The following ATRNL1 variants were observed in gnomAD, a reference collection of about 807,000 sequenced individuals.
ATRNL1 encodes attractin like 1, also known as attractin-like protein 1.
ATRNL1 carries 95 observed loss-of-function variants against 182.7 expected under a neutral mutation model. The ratio of observed to expected loss-of-function variants is 0.52; its 90% CI spans 0.44 to 0.62. The LOEUF is 0.62. Ranked by LOEUF, ATRNL1 falls within the 20% of genes least tolerant of loss-of-function variation. The pLI is 0.00. For missense variants in ATRNL1, 1,471 were observed against 1,679.5 expected, an observed-to-expected ratio of 0.88 and a Z score of 2.17; for synonymous variants, 576 against 568.3, an observed-to-expected ratio of 1.01 and a Z score of -0.19.
chr10:115,609,062 T>G (rs1423800672), intron 26 of ATRNL1, among the ~76,000 whole-genome samples: 1 of 152,060 alleles, frequency 6.6e-6, no homozygotes, highest in Non-Finnish European at 1.5e-5. Flanking sequence ...TAAAATATTA[T>G]AAGTTAAGTT....
At chr10:115,604,125 A>G (rs1449983196) in intron 26 of ATRNL1, among the ~76,000 whole-genome samples, 2 of 152,096 alleles carry the variant, frequency 1.3e-5, no homozygotes, top group African/African-American at 4.8e-5. Context: ...TCTTGGCCTA[A>G]TAAACTTTTA....
intron 27 of ATRNL1, among the ~76,000 whole-genome samples, chr10:115,779,812 T>C (rs1264681797): frequency 6.6e-6 from 1 of 151,996 alleles, no homozygotes; most frequent in Non-Finnish European, 1.5e-5. Flanking sequence ...ACAAAACATA[T>C]AGAAAATGCC....
At chr10:115,829,663 T>TA (rs1463358470) in intron 27 of ATRNL1, among the ~76,000 whole-genome samples, 1 of 152,152 alleles carries the variant, frequency 6.6e-6, no homozygotes, top group Non-Finnish European at 1.5e-5. Flanking sequence ...TTCTCTGTCT[T>TA]ATGCCACCAA....
At chr10:115,886,650 A>G (rs1951952921) in intron 28 of ATRNL1, among the ~76,000 whole-genome samples, 1 of 152,246 alleles carries the variant, frequency 6.6e-6, no homozygotes, top group Non-Finnish European at 1.5e-5. Context: ...ATAGTTGTAT[A>G]AGAACCATAA....
intron 28 of ATRNL1, among the ~76,000 whole-genome samples, chr10:115,859,959 A>C (rs1565442458): frequency 6.6e-6 from 1 of 152,192 alleles, no homozygotes; most frequent in African/African-American, 2.4e-5. Context: ...ATTTCCTTTT[A>C]TCCACTTTAT....
intron 1 of ATRNL1, among the ~76,000 whole-genome samples, chr10:115,095,382 A>G (rs1469595434): frequency 6.6e-6 from 1 of 151,722 alleles, no homozygotes; most frequent in Non-Finnish European, 1.5e-5. Flanking sequence ...TTTTAAAAAA[A>G]AACTTACTAT....
chr10:115,794,835 A>T (rs782779074), intron 27 of ATRNL1, among the ~76,000 whole-genome samples: 2 of 152,174 alleles, frequency 1.3e-5, no homozygotes, highest in Non-Finnish European at 2.9e-5. Flanking sequence ...ACACTATTAA[A>T]CTATGTAAAC....
In ATRNL1 at chr10:115,737,417, C is replaced by A. The variant is rs555709699; in HGVS notation, c.3903+10062C>A. 2.3e-4 allele frequency among the ~76,000 whole-genome samples: 35 copies of A among 150,612 alleles called. 1 individual carries two copies. Among genetic ancestry groups the A allele is most frequent in the Admixed American group, 2.1e-3 (31 of 15,074 alleles). On this transcript the variant is annotated intron_variant, in intron 27 of 28. Transcript: ENST00000355044. Reference sequence around the variant, plus strand: ...TACACTGCACTCCAGCCTGGTTGAACAGAGCAAGACCCTGTCTAAAAAAAA... The same window carrying A: ...TACACTGCACTCCAGCCTGGTTGAAAAGAGCAAGACCCTGTCTAAAAAAAA...
chr10:115,875,571 C>A (rs7072418), intron 28 of ATRNL1, among the ~76,000 whole-genome samples: 1 of 152,188 alleles, frequency 6.6e-6, no homozygotes, highest in Non-Finnish European at 1.5e-5. Context: ...ATTCAAGGAT[C>A]TAAGTAGTCC....
intron 10 of ATRNL1, among the ~76,000 whole-genome samples, chr10:115,253,776 T>C (rs936489196): frequency 6.6e-6 from 1 of 152,132 alleles, no homozygotes; most frequent in African/African-American, 2.4e-5. Flanking sequence ...CTCCTAATGC[T>C]ATCCATCCCC....
intron 8 of ATRNL1, among the ~76,000 whole-genome samples, chr10:115,173,149 A>C (rs375008067): frequency 6.6e-6 from 1 of 152,140 alleles, no homozygotes; most frequent in African/African-American, 2.4e-5. Flanking sequence ...ACATTGAATA[A>C]GCTTGCTTAC....
intron 28 of ATRNL1, among the ~76,000 whole-genome samples, chr10:115,923,346 A>T (rs556402434): frequency 2.6e-5 from 4 of 152,178 alleles, no homozygotes; most frequent in African/African-American, 4.8e-5. Flanking sequence ...TATTACATAG[A>T]TATACCTGTG....
At chr10:115,866,550 TAG>T (rs1951443744) in intron 28 of ATRNL1, among the ~76,000 whole-genome samples, 1 of 152,176 alleles carries the variant, frequency 6.6e-6, no homozygotes, top group Non-Finnish European at 1.5e-5. Context: ...TACCAGTAGT[TAG>T]AGAGTTCATA....
chr10:115,621,313 AGT>A (rs782025858), intron 26 of ATRNL1, among the ~76,000 whole-genome samples: 11,906 of 73,134 alleles, frequency 0.16, 1,088 homozygotes, highest in Non-Finnish European at 0.2. Context: ...AGAGAGAGAG[AGT>A]GTGTGAGTGA....
At chr10:115,445,069 AT>A (rs1554966384) in intron 21 of ATRNL1, among the ~76,000 whole-genome samples, 1 of 151,920 alleles carries the variant, frequency 6.6e-6, no homozygotes, top group Non-Finnish European at 1.5e-5. Flanking sequence ...TGGGGACAGC[AT>A]TGCTGAGTAT....
chr10:115,690,361 G>A (rs1946351120), intron 26 of ATRNL1, among the ~76,000 whole-genome samples: 1 of 152,064 alleles, frequency 6.6e-6, no homozygotes, highest in African/African-American at 2.4e-5. Flanking sequence ...ATTCTCATAA[G>A]GAGCACACAA....
chr10:115,401,045 A>G (rs1844540628), intron 20 of ATRNL1, among the ~76,000 whole-genome samples: 1 of 152,094 alleles, frequency 6.6e-6, no homozygotes, highest in South Asian at 2.1e-4. Context: ...TTGGTTGGAA[A>G]AAGATAAACA....
chr10:115,107,529 G>A (rs1844067228), intron 1 of ATRNL1, among the ~76,000 whole-genome samples: 1 of 152,112 alleles, frequency 6.6e-6, no homozygotes, highest in Admixed American at 6.5e-5. Flanking sequence ...AGCTCTCATG[G>A]GTTGGAGGCT....
rs985843140 is a variant in ATRNL1, at chr10:115,194,758, T to A, written c.1349-20939T>A. On this transcript the variant is annotated intron_variant, in intron 8 of 28. Transcript: ENST00000355044. ...GTTTGTTTTCTGGTCATTTTGTTGG[T>A]CTTTCTTTTTTCCTTCTGAATTCCT... 2.6e-5 allele frequency among the ~76,000 whole-genome samples: 4 copies of A among 152,064 alleles called. No homozygotes were observed. In the South Asian group the frequency reaches 8.3e-4, roughly 32 times the overall value.
Sources: allele counts gnomAD v4.1 joint callset (sites outside exome capture counted in the v4.1 genomes callset), GRCh38; gene constraint gnomAD v4.1.1; transcripts MANE v1.5; gene names NCBI Gene and HGNC (gene_info 2026-07-23, HGNC 2026-07-21).